Variants in MUC5AC observed in about 807,000 individuals in gnomAD.
MUC5AC encodes mucin 5AC, oligomeric mucus/gel-forming.
In MUC5AC, 158 loss-of-function variants were observed where a neutral mutation model predicts 169.7. The observed-to-expected ratio is 0.93, with a 90% CI of 0.82 to 1.06. The LOEUF is 1.06. Ranked by LOEUF, MUC5AC falls within the 50% of genes least tolerant of loss-of-function variation. The pLI is 0.00. For missense variants in MUC5AC, 4,359 were observed against 3,089.9 expected, an observed-to-expected ratio of 1.41 and a Z score of -9.74; for synonymous variants, 1,975 against 1,237.0, an observed-to-expected ratio of 1.60 and a Z score of -12.52.
At position 1,190,338 on chromosome 11, in the gene MUC5AC, A is replaced by G. The variant is rs1167198159; in HGVS notation, c.12193A>G (p.Thr4065Ala). The G allele has an allele frequency of 1.5e-6, 1 of 662,740 alleles. No individual in the cohort carries two copies. Among genetic ancestry groups the G allele is most frequent in the African/African-American group, 1.8e-5 (1 of 55,646 alleles). 41.1% of individuals were successfully genotyped at this position (662,740 alleles called of 1,614,324 possible). A position where few individuals can be genotyped will look rare whatever the true frequency, so the allele number is the denominator to read the frequency against. Residue 4065 changes from threonine to alanine, a missense_variant, in exon 31 of 49, where the codon ACA becomes GCA. Transcript: ENST00000621226. The stretch of plus-strand genomic sequence containing the variant: ...CTGCCCCGTGACCTCCACACCTGTG[A>G]CAGCTCCTAGCACCCCTAGTGGGAG... The part of the protein sequence containing the change: ...KGCPVTSTPV[T>A]APSTPSGRAT...
intron 26 of MUC5AC, 55 bp downstream of exon 26, chr11:1,179,303 C>T (rs1188709541): frequency 1.6e-5 from 8 of 497,040 alleles, no homozygotes; most frequent in African/African-American, 4.2e-5. Flanking sequence ...GCGTGTGCCC[C>T]ACCACACTCG....
At chr11:1,166,344 G>A (rs1223909366) in intron 11 of MUC5AC, among the ~76,000 whole-genome samples, 1 of 141,834 alleles carries the variant, frequency 7.1e-6, no homozygotes, top group Non-Finnish European at 1.5e-5. Context: ...CCAACACACA[G>A]TCTCCCTATG....
intron 37 of MUC5AC, 34 bp downstream of exon 37, chr11:1,196,088 C>A: frequency 1.3e-6 from 1 of 749,536 alleles, no homozygotes; most frequent in South Asian, 1.4e-5. Flanking sequence ...GGTCCCAAGT[C>A]GCTTGTGAGG....
rs1861238963 is a variant in MUC5AC, at chr11:1,195,211, C to T, written c.15390C>T (p.Thr5130=). ...TTVGPTTVGS[T]TVGPTTPPAP... ...TCGGGCCCACCACAGTTGGGTCTAC[C>T]ACGGTCGGGCCCACCACACCGCCTG... The change falls in exon 36 of 49, where the codon ACC becomes ACT. Residue 5130 remains threonine (T), a synonymous_variant. Transcript: ENST00000621226. The T allele has an allele frequency of 1.3e-6, 1 of 760,186 alleles. No individual in the cohort carries two copies. Among genetic ancestry groups the T allele is most frequent in the African/African-American group, 1.7e-5 (1 of 59,012 alleles). 47.1% of individuals were successfully genotyped at this position (760,186 alleles called of 1,614,324 possible).
intron 37 of MUC5AC, 90 bp downstream of exon 37, chr11:1,196,144 A>AG: frequency 9.4e-6 from 6 of 639,044 alleles, no homozygotes; most frequent in East Asian, 2.7e-5. Flanking sequence ...TCGGGCAGTC[A>AG]GGGGGGGACC....
Position 1,169,428 on chromosome 11 carries a change from A to T in MUC5AC, c.1870+402A>T, listed in dbSNP as rs1270589380. The stretch of plus-strand genomic sequence containing the variant: ...CATTCACTCACCCATTCGCCCACTC[A>T]CCTCACTCACTCACCCACTCACTCA... On this transcript the variant is annotated intron_variant, in intron 15 of 48. Coordinates refer to ENST00000621226, the MANE Select transcript of MUC5AC (RefSeq NM_001304359.2). Among the ~76,000 whole-genome samples the T allele has an allele frequency of 1.7e-4, 15 of 89,640 alleles. 3 individuals are homozygous for T. Among genetic ancestry groups the T allele is most frequent in the African/African-American group, 8.6e-4 (15 of 17,374 alleles). The allele number at this position is 89,640 out of a possible 152,430, so 58.8% of individuals were successfully genotyped here.
Position 1,185,404 on chromosome 11 carries a change from C to T in MUC5AC, c.7259C>T (p.Thr2420Ile), listed in dbSNP as rs1290902777. The T allele has an allele frequency of 9.6e-6, 7 of 731,342 alleles. No individual in the cohort carries two copies. Among genetic ancestry groups the T allele is most frequent in the Non-Finnish European group, 1.5e-5 (6 of 400,874 alleles). The allele number at this position is 731,342 out of a possible 1,614,324, so 45.3% of individuals were successfully genotyped here. Reference protein sequence around the residue: ...TSTTSAPTTSTTSAPTSSTTS... With the variant: ...TSTTSAPTTSITSAPTSSTTS... ...ACAACCTCAGCTCCTACAACCAGCA[C>T]AACCTCTGCCCCTACAAGCAGCACA... Residue 2420 changes from threonine to isoleucine, a missense_variant, in exon 31 of 49, where the codon ACA becomes ATA. Transcript: ENST00000621226.
chr11:1,174,798 C>T, intron 17 of MUC5AC, 84 bp from the exon 18 acceptor site: 1 of 456,534 alleles, frequency 2.2e-6, no homozygotes, highest in Non-Finnish European at 3.9e-6. Context: ...GGGAGGGTAG[C>T]CGAGAGGGCT....
chr11:1,163,072 C>T (rs1240246296), intron 6 of MUC5AC, 27 bp downstream of exon 6: 1 of 1,598,640 alleles, frequency 6.3e-7, no homozygotes, highest in African/African-American at 1.3e-5. Context: ...CCCTCAGCCC[C>T]TTCCTCAGTG....
In MUC5AC at chr11:1,162,041, G is replaced by T; in HGVS notation, c.346G>T (p.Glu116Ter). 2 of 1,612,532 alleles carry T rather than the reference G, an allele frequency of 1.2e-6. No individual in the cohort carries two copies. Among genetic ancestry groups the T allele is most frequent in the Non-Finnish European group, 1.7e-6 (2 of 1,179,746 alleles). ...VFSEHCGAAY[E>*]DFNIQLRRSQ... Reference sequence around the variant, plus strand: ...CTCCGAGCACTGCGGTGCCGCCTACGAGGATTTTAACATCCAGCTACGCCG... The same window carrying T: ...CTCCGAGCACTGCGGTGCCGCCTACTAGGATTTTAACATCCAGCTACGCCG... Residue 116 changes from glutamate to a stop codon, truncating the protein, a stop_gained, in exon 4 of 49, where the codon GAG (glutamate) becomes TAG (stop). Coordinates refer to ENST00000621226, the MANE Select transcript of MUC5AC (RefSeq NM_001304359.2). LOFTEE classifies it high-confidence loss of function.
In MUC5AC at chr11:1,169,017, G is replaced by A. The variant is rs1198766850; in HGVS notation, c.1861G>A (p.Val621Met). The change falls in exon 15 of 49, where the codon GTG becomes ATG. Residue 621 changes from valine to methionine, a missense_variant. Transcript: ENST00000621226. ...CTTCGAGGACCCCTGCTCTCTGAGC[G>A]TGGAGAATGGTACGGGTGTCCACGG... ...NSFEDPCSLS[V>M]ENEKYAQHWC... 9 of 1,589,816 alleles carry A rather than the reference G, an allele frequency of 5.7e-6. No individual in the cohort carries two copies. Among genetic ancestry groups the A allele is most frequent in the East Asian group, 2.2e-5 (1 of 44,606 alleles).
At chr11:1,194,396 GGGACGCGGCT>G (rs2133772702) in intron 34 of MUC5AC, 36 bp downstream of exon 34, 2 of 709,016 alleles carry the variant, frequency 2.8e-6, no homozygotes, top group South Asian at 2.9e-5. Context: ...GAGGGGGTGG[GGGACGCGGCT>G]TTCCCGGCAA....
chr11:1,195,655 A>G (rs929803244), intron 36 of MUC5AC, among the ~76,000 whole-genome samples: 5 of 152,062 alleles, frequency 3.3e-5, no homozygotes, highest in African/African-American at 1.2e-4. Context: ...AAGAACTTGC[A>G]GAAATAAATG....
chr11:1,181,381 A>G lies in MUC5AC; in HGVS notation c.3931A>G (p.Ile1311Val), dbSNP rs1860811284. Residue 1311 changes from isoleucine (I) to valine (V), a missense_variant, in exon 30 of 49, where the codon ATT (isoleucine) becomes GTT (valine). Transcript: ENST00000621226. ...ISARCGANGT[I>V]ERRVYPCSPT... is the part of the protein sequence containing the mutation. Reference sequence around the variant, plus strand: ...CGCCCGCTGCGGGGCCAACGGCACCATTGAGAGGAGGGTCTACCCCTGCAG... The same window carrying G: ...CGCCCGCTGCGGGGCCAACGGCACCGTTGAGAGGAGGGTCTACCCCTGCAG... 3 of 398,454 alleles carry G rather than the reference A, an allele frequency of 7.5e-6. No homozygotes were observed. The East Asian group carries it at 1.1e-4, about 14-fold the overall frequency. 24.7% of individuals were successfully genotyped at this position (398,454 alleles called of 1,614,324 possible). A position where few individuals can be genotyped will look rare whatever the true frequency, so the allele number is the denominator to read the frequency against.
intron 15 of MUC5AC, among the ~76,000 whole-genome samples, chr11:1,171,322 CTCACTCACTCACTCACGCAT>C (rs1860519664): frequency 2.0e-5 from 1 of 49,716 alleles, no homozygotes; most frequent in Non-Finnish European, 3.3e-5. Flanking sequence ...ACTCAGTCAC[CTCACTCACTCACTCACGCAT>C]TCACTCACTC....
intron 10 of MUC5AC, 40 bp downstream of exon 10, chr11:1,165,459 A>G: frequency 6.2e-7 from 1 of 1,600,414 alleles, no homozygotes; most frequent in Non-Finnish European, 8.5e-7. Context: ...AGGATGTGCT[A>G]TGGGACAGAC....
In MUC5AC at chr11:1,192,234, C is replaced by A. The variant is rs781353013; in HGVS notation, c.14089C>A (p.Arg4697Ser). The change falls in exon 31 of 49, where the codon CGT (arginine) becomes AGT (serine). Residue 4697 changes from arginine (R) to serine (S), a missense_variant. Arg to Ser is a moderately radical substitution (Grantham distance 110). Transcript: ENST00000621226. ...EHLGQVVQCS[R>S]EEGLVCRNQD... ...CCTGGGTCAGGTGGTGCAGTGCAGC[C>A]GTGAAGAGGGCCTGGTGTGCCGGAA... 1 of 764,990 alleles carries A rather than the reference C, an allele frequency of 1.3e-6. No homozygotes were observed. The highest frequency in any genetic ancestry group is 1.7e-5 in the African/African-American group (1 of 59,152). The allele number at this position is 764,990 out of a possible 1,614,324, so 47.4% of individuals were successfully genotyped here.
rs1276949931 is a variant in MUC5AC, at chr11:1,185,288, C to G, written c.7143C>G (p.Thr2381=). 6 of 659,214 alleles carry G rather than the reference C, an allele frequency of 9.1e-6. No homozygotes were observed. The highest frequency in any genetic ancestry group is 1.6e-5 in the Non-Finnish European group (6 of 364,774). The allele number at this position is 659,214 out of a possible 1,614,324, so 40.8% of individuals were successfully genotyped here. ...STTSARTSST[T]SATTTSRISG... Reference sequence around the variant, plus strand: ...CCTCTGCCCGTACAAGCAGCACAACCTCTGCCACTACCACCAGCAGAATCT... The same window carrying G: ...CCTCTGCCCGTACAAGCAGCACAACGTCTGCCACTACCACCAGCAGAATCT... The change falls in exon 31 of 49, where the codon ACC becomes ACG. Residue 2381 remains threonine (T), a synonymous_variant. Transcript: ENST00000621226.
chr11:1,176,142 C>T lies in MUC5AC; in HGVS notation c.2402-9C>T. On this transcript the variant is annotated splice_polypyrimidine_tract_variant and intron_variant, in intron 19 of 48. Coordinates refer to ENST00000621226, the MANE Select transcript of MUC5AC (RefSeq NM_001304359.2). Reference sequence around the variant, plus strand: ...GTGGCTGGCCCCCTGACGGCCCCTCCCTCCCCAGTGTGTGCTGCGCCCATG... The same window carrying T: ...GTGGCTGGCCCCCTGACGGCCCCTCTCTCCCCAGTGTGTGCTGCGCCCATG... The T allele has an allele frequency of 2.5e-6, 1 of 398,712 alleles. No individual in the cohort carries two copies. Among genetic ancestry groups the T allele is most frequent in the Non-Finnish European group, 4.4e-6 (1 of 226,090 alleles). The allele number at this position is 398,712 out of a possible 1,614,324, so 24.7% of individuals were successfully genotyped here. A position where few individuals can be genotyped will look rare whatever the true frequency, so the allele number is the denominator to read the frequency against.
Sources: gnomAD v4.1 joint callset for allele counts (sites outside exome capture counted in the v4.1 genomes callset) on GRCh38, gnomAD v4.1.1 for gene constraint, MANE v1.5 for transcripts, NCBI Gene and HGNC (gene_info 2026-07-23, HGNC 2026-07-21) for gene names.